GTPBP1: variants seen among roughly 807,000 people sequenced by gnomAD.
GTPBP1 encodes GTP-binding protein 1.
In GTPBP1, 23 loss-of-function variants were observed where a neutral mutation model predicts 62.0. The ratio of observed to expected loss-of-function variants is 0.37; its 90% confidence interval spans 0.27 to 0.53. The LOEUF (loss-of-function observed/expected upper bound fraction) is 0.53, where lower values mean the gene tolerates loss of function less well. Ranked by LOEUF, GTPBP1 falls within the 20% of genes least tolerant of loss-of-function variation. The probability of loss-of-function intolerance (pLI) is 0.89; values close to 1 mark genes in which losing one functional copy is unlikely to be tolerated. For synonymous variants in GTPBP1, 344 were observed against 364.4 expected (o/e 0.94, Z 0.64); for missense variants, 640 against 917.3 (o/e 0.70, Z 3.90).
chr22:38,742,834 G>A (rs954082184), downstream of GTPBP1: 3 of 404,090 alleles, frequency 7.4e-6, no homozygotes, highest in South Asian at 6.5e-5. Flanking sequence ...AAGGTGGGCC[G>A]GGGAGAAGGT....
downstream of GTPBP1, chr22:38,739,484 C>T (rs2092835931): frequency 2.5e-6 from 4 of 1,589,996 alleles, no homozygotes; most frequent in South Asian, 3.3e-5. The surrounding 1 kb of genome is among the most constrained non-coding windows in gnomAD (Gnocchi z 6.7). Flanking sequence ...CCCCCTGTCA[C>T]CTCGTGGCCG....
intron 4 of GTPBP1, among the ~76,000 whole-genome samples, chr22:38,719,633 T>A (rs1372661695): frequency 6.6e-6 from 1 of 151,576 alleles, no homozygotes; most frequent in Non-Finnish European, 1.5e-5. Context: ...GTTTGGTTTT[T>A]TTTTTTTGTG....
downstream of GTPBP1, chr22:38,739,454 G>A (rs1379127104): frequency 1.9e-6 from 3 of 1,610,416 alleles, no homozygotes. The surrounding 1 kb of genome is among the most constrained non-coding windows in gnomAD (Gnocchi z 6.7). Context: ...GGAGACGGTT[G>A]CAGCAGGGAG....
chr22:38,740,366 G>A (rs377483966), downstream of GTPBP1: 41 of 1,578,046 alleles, frequency 2.6e-5, no homozygotes, highest in African/African-American at 3.9e-4. The surrounding 1 kb of genome is among the most constrained non-coding windows in gnomAD (Gnocchi z 4.8). Flanking sequence ...GCTGCAGGCC[G>A]GCCAGCTGGT....
downstream of GTPBP1, chr22:38,736,303 G>C (rs779606940): frequency 1.9e-6 from 3 of 1,614,044 alleles, no homozygotes; most frequent in South Asian, 3.3e-5. Context: ...TGAAGCGGTA[G>C]ATGCAGGTGT....
At chr22:38,718,056 A>C (rs2092680462) in intron 4 of GTPBP1, among the ~76,000 whole-genome samples, 1 of 152,236 alleles carries the variant, frequency 6.6e-6, no homozygotes, top group South Asian at 2.1e-4. Context: ...GGAGAGCAGT[A>C]AAGAGAGGCA....
At chr22:38,707,872 G>A (rs2092614540) in intron 1 of GTPBP1, among the ~76,000 whole-genome samples, 1 of 152,164 alleles carries the variant, frequency 6.6e-6, no homozygotes, top group South Asian at 2.1e-4. Context: ...ATTGATTCCG[G>A]AGGAACAGAT....
chr22:38,715,288 G>T (rs1160469217), intron 2 of GTPBP1, among the ~76,000 whole-genome samples: 1 of 152,096 alleles, frequency 6.6e-6, no homozygotes, highest in Admixed American at 6.5e-5. Context: ...TCCGTCTGTT[G>T]TGCTGCTTCC....
intron 6 of GTPBP1, 89 bp from the exon 7 acceptor site, chr22:38,725,917 C>A: frequency 8.1e-7 from 1 of 1,235,176 alleles, no homozygotes; most frequent in South Asian, 1.3e-5. Flanking sequence ...CTCCTCGAGC[C>A]CTGTTGCTGC....
chr22:38,742,153 AAAAAAAAG>A (rs1603220430), downstream of GTPBP1: 49 of 1,102,548 alleles, frequency 4.4e-5, 1 homozygote, highest in South Asian at 7.9e-4. Flanking sequence ...AAAAAGAAAA[AAAAAAAAG>A]AAAAAAAGAG....
At chr22:38,738,664 C>T (rs772891603), downstream of GTPBP1, 19 of 1,613,938 alleles carry the variant, frequency 1.2e-5, no homozygotes, top group East Asian at 2.2e-5. The surrounding 1 kb of genome is among the most constrained non-coding windows in gnomAD (Gnocchi z 6.6). Flanking sequence ...TCTAAGGTAA[C>T]GGCTGTGGGG....
At position 38,730,882 on chromosome 22, in the gene GTPBP1, G is replaced by A. The variant is rs1252106629; in HGVS notation, c.*178G>A. 1.8e-6 allele frequency: 1 copy of A among 557,624 alleles called. No homozygotes were observed. The highest frequency in any genetic ancestry group is 3.2e-6 in the Non-Finnish European group (1 of 316,382). 34.5% of individuals were successfully genotyped at this position (557,624 alleles called of 1,614,324 possible). A position where few individuals can be genotyped will look rare whatever the true frequency, so the allele number is the denominator to read the frequency against. Reference sequence around the variant, plus strand: ...GGTTGTAATTTATAAGCTGACGAAGGTAGCCAGACTTCCGGAGGACTGACC... The same window carrying A: ...GGTTGTAATTTATAAGCTGACGAAGATAGCCAGACTTCCGGAGGACTGACC... On this transcript the variant is annotated 3_prime_UTR_variant, in exon 12 of 12. Coordinates refer to ENST00000216044, the MANE Select transcript of GTPBP1 (RefSeq NM_004286.5). The surrounding 1 kb of genome is among the most constrained non-coding windows in gnomAD (Gnocchi z 5.6).
chr22:38,741,809 C>G (rs537576330), downstream of GTPBP1, among the ~76,000 whole-genome samples: 1 of 152,166 alleles, frequency 6.6e-6, no homozygotes, highest in Non-Finnish European at 1.5e-5. Flanking sequence ...GGGGGAGACA[C>G]GATGGCCTCC....
rs1217565952 is a variant in GTPBP1, at chr22:38,731,272, G to C, written c.*568G>C. 1 of 152,456 alleles carries C rather than the reference G, an allele frequency of 6.6e-6. No homozygotes were observed. 9.4% of individuals were successfully genotyped at this position (152,456 alleles called of 1,614,324 possible). A position where few individuals can be genotyped will look rare whatever the true frequency, so the allele number is the denominator to read the frequency against. ...TGGGATTTGGTGTCTGCTGCTGCCA[G>C]AGCAGGAACCCCCAGTCTAGGACTT... On this transcript the variant is annotated 3_prime_UTR_variant, in exon 12 of 12. Coordinates refer to ENST00000216044, the MANE Select transcript of GTPBP1 (RefSeq NM_004286.5).
chr22:38,722,877 G>A, intron 5 of GTPBP1: 2 of 1,383,904 alleles, frequency 1.4e-6, no homozygotes, highest in South Asian at 2.3e-5. Context: ...CAAGTGGAGG[G>A]TTTCTTCCAC....
chr22:38,738,259 C>T, downstream of GTPBP1: 1 of 1,613,614 alleles, frequency 6.2e-7, no homozygotes, highest in Non-Finnish European at 8.5e-7. The surrounding 1 kb of genome is among the most constrained non-coding windows in gnomAD (Gnocchi z 6.6). Context: ...AGGTCTTCGT[C>T]AAACCCCTGC....
chr22:38,738,124 C>G (rs757223192), downstream of GTPBP1: 2 of 1,565,196 alleles, frequency 1.3e-6, no homozygotes, highest in Non-Finnish European at 8.8e-7. The surrounding 1 kb of genome is among the most constrained non-coding windows in gnomAD (Gnocchi z 6.6). Context: ...CACCTGCTGC[C>G]TGGATGGGGA....
At chr22:38,715,847 G>C in intron 2 of GTPBP1, 60 bp from the exon 3 acceptor site, 5 of 1,445,100 alleles carry the variant, frequency 3.5e-6, no homozygotes, top group Non-Finnish European at 4.7e-6. Flanking sequence ...TGGCTGGCTG[G>C]TTGGCAGGCT....
downstream of GTPBP1, chr22:38,735,132 C>T (rs2092791175): frequency 2.4e-6 from 1 of 414,358 alleles, no homozygotes; most frequent in Non-Finnish European, 4.7e-6. Context: ...ACAGTGGGGC[C>T]TGCTGGCTCT....
Sources: allele counts gnomAD v4.1 joint callset (sites outside exome capture counted in the v4.1 genomes callset), GRCh38; gene constraint gnomAD v4.1.1; non-coding constraint Gnocchi (gnomAD v3.1); transcripts MANE v1.5; gene names NCBI Gene and HGNC (gene_info 2026-07-23, HGNC 2026-07-21).